CHRM3: variants seen among roughly 807,000 people sequenced by gnomAD.
The protein encoded by CHRM3 is muscarinic acetylcholine receptor M3.
Under a neutral mutation model 41.8 loss-of-function variants are expected in CHRM3, and 11 were observed. The ratio of observed to expected loss-of-function variants is 0.26; its 90% CI spans 0.17 to 0.44. The LOEUF (loss-of-function observed/expected upper bound fraction) is 0.44, where lower values mean the gene tolerates loss of function less well. Ranked by LOEUF, CHRM3 falls within the 20% of genes least tolerant of loss-of-function variation. CHRM3 has a pLI of 1.00. For synonymous variants in CHRM3, 297 were observed against 301.4 expected (o/e 0.99, Z 0.15); for missense variants, 571 against 745.4 (o/e 0.77, Z 2.72).
At chr1:239,838,071 T>C (rs190064770) in intron 6 of CHRM3, among the ~76,000 whole-genome samples, 11 of 152,332 alleles carry the variant, frequency 7.2e-5, no homozygotes, top group Admixed American at 6.5e-5. Flanking sequence ...AGGGAAATTA[T>C]ATATGAATTG....
At chr1:239,745,745 G>A (rs931323808) in intron 5 of CHRM3, among the ~76,000 whole-genome samples, 2 of 152,026 alleles carry the variant, frequency 1.3e-5, no homozygotes, top group Non-Finnish European at 2.9e-5. Context: ...ATCATATTAT[G>A]CTCTATCAAA....
chr1:239,644,582 A>T (rs1439884011), intron 4 of CHRM3, among the ~76,000 whole-genome samples: 1 of 152,206 alleles, frequency 6.6e-6, no homozygotes, highest in Non-Finnish European at 1.5e-5. Flanking sequence ...GGACTTGGTT[A>T]TGTGAAACTT....
At chr1:239,420,751 G>A (rs933304378) in intron 1 of CHRM3, among the ~76,000 whole-genome samples, 1 of 152,008 alleles carries the variant, frequency 6.6e-6, no homozygotes, top group African/African-American at 2.4e-5. Context: ...TAAGTTTTAT[G>A]CTGATGGTTA....
At chr1:239,882,056 C>A (rs1677686831) in intron 6 of CHRM3, among the ~76,000 whole-genome samples, 1 of 152,132 alleles carries the variant, frequency 6.6e-6, no homozygotes, top group African/African-American at 2.4e-5. Flanking sequence ...CAGGCACCCG[C>A]CACCATGCCC....
intron 5 of CHRM3, among the ~76,000 whole-genome samples, chr1:239,774,843 T>C (rs1449527042): frequency 1.3e-5 from 2 of 152,210 alleles, no homozygotes; most frequent in African/African-American, 2.4e-5. Context: ...TCAGATGTTT[T>C]CTAACAGCTA....
chr1:239,648,436 T>TAA (rs1671934134), intron 4 of CHRM3, among the ~76,000 whole-genome samples: 1 of 152,000 alleles, frequency 6.6e-6, no homozygotes. Flanking sequence ...GATCTGTAGG[T>TAA]GGTTTTGAGA....
chr1:239,772,723 CCT>C (rs1667791389), intron 5 of CHRM3, among the ~76,000 whole-genome samples: 1 of 151,998 alleles, frequency 6.6e-6, no homozygotes, highest in Non-Finnish European at 1.5e-5. Flanking sequence ...TCTGTGACTC[CCT>C]CTCTATACAA....
intron 5 of CHRM3, among the ~76,000 whole-genome samples, chr1:239,810,521 G>A (rs61829258): frequency 0.053 from 8,129 of 152,256 alleles, 231 homozygotes; most frequent in African/African-American, 0.078. Flanking sequence ...TGAGAAGGGG[G>A]AGGATTTCCA....
chr1:239,849,896 C>T (rs1009265257), intron 6 of CHRM3, among the ~76,000 whole-genome samples: 7 of 152,100 alleles, frequency 4.6e-5, no homozygotes, highest in Admixed American at 2.0e-4. Context: ...ACAGATAAAA[C>T]GGGTATCCTC....
In CHRM3 at chr1:239,590,513, G is replaced by A. The variant is rs182572753; in HGVS notation, c.-312-41711G>A. Among the ~76,000 whole-genome samples the A allele has an allele frequency of 3.8e-3, 577 of 152,186 alleles. 8 individuals carry two copies. Among genetic ancestry groups the A allele is most frequent in the Non-Finnish European group, 3.4e-3 (228 of 68,018 alleles). Reference sequence around the variant, plus strand: ...TATCCCTAAGAAGATTGTTGTAACCGTTTTTGATAAGATGAACTTTTATAA... The same window carrying A: ...TATCCCTAAGAAGATTGTTGTAACCATTTTTGATAAGATGAACTTTTATAA... On this transcript the variant is annotated intron_variant, in intron 3 of 6. Transcript: ENST00000676153.
chr1:239,715,077 A>C (rs1035309713), intron 5 of CHRM3, among the ~76,000 whole-genome samples: 3 of 152,134 alleles, frequency 2.0e-5, no homozygotes, highest in Non-Finnish European at 4.4e-5. Context: ...ATAAGATGGG[A>C]GTGGCTAACA....
At chr1:239,412,319 CTTCTTCCTTCCTT>C in intron 1 of CHRM3, among the ~76,000 whole-genome samples, 1 of 53,616 alleles carries the variant, frequency 1.9e-5, no homozygotes. Context: ...CCCTTCCTTT[CTTCTTCCTTCCTT>C]CCTCCCTCCC....
At chr1:239,791,922 G>T (rs889738065) in intron 5 of CHRM3, among the ~76,000 whole-genome samples, 1 of 152,192 alleles carries the variant, frequency 6.6e-6, no homozygotes, top group Non-Finnish European at 1.5e-5. Context: ...GTGGGTGCAT[G>T]TGTCTGTAAA....
rs77716254 is a variant in CHRM3 at position 239,859,377 on chromosome 1, T to C, written c.-20+31999T>C. On this transcript the variant is annotated intron_variant, in intron 6 of 6. Transcript: ENST00000676153. ...ATAACAAATGAAGTTGAGCATCTTT[T>C]TATGGATTTGTTGGCCTGTTTTTTT... is the stretch of plus-strand genomic sequence containing the variant. Among the ~76,000 whole-genome samples, 1,485 of 152,084 alleles carry C rather than the reference T, an allele frequency of 9.8e-3. 32 individuals are homozygous for C. The highest frequency in any genetic ancestry group is 0.034 in the African/African-American group (1,428 of 41,500).
At chr1:239,404,400 GAA>G (rs1390911524) in intron 1 of CHRM3, among the ~76,000 whole-genome samples, 2,607 of 58,902 alleles carry the variant, frequency 0.044, 106 homozygotes, top group Admixed American at 0.094. Flanking sequence ...AAGAAAGAAA[GAA>G]AGAAAGAAAA....
At chr1:239,395,806 C>T (rs1392071230) in intron 1 of CHRM3, among the ~76,000 whole-genome samples, 1 of 152,188 alleles carries the variant, frequency 6.6e-6, no homozygotes, top group Non-Finnish European at 1.5e-5. Context: ...CATATTATTG[C>T]CTTTGATCCA....
In CHRM3 at chr1:239,912,143, CCT is replaced by C. The variant is rs372408716; in HGVS notation, c.*2932_*2933del. 0.018 allele frequency: 2,993 copies of C among 163,058 alleles called. 40 individuals are homozygous for C. Among genetic ancestry groups the C allele is most frequent in the South Asian group, 0.039 (183 of 4,748 alleles). The allele number at this position is 163,058 out of a possible 1,614,324, so 10.1% of individuals were successfully genotyped here. On this transcript the variant is annotated 3_prime_UTR_variant, in exon 7 of 7. Coordinates refer to ENST00000676153, the MANE Select transcript of CHRM3 (RefSeq NM_001375978.1). The stretch of plus-strand genomic sequence containing the variant: ...TGGAGAATCTCTCTCTCTCTCTCTG[CCT>C]CTCTCTCTCTCTTTCTCCCTCTTCT...
chr1:239,909,382 C>T lies in CHRM3; in HGVS notation c.*158C>T, dbSNP rs1047808066. ...CTGTTTACTGATCCATTGAATAAAC[C>T]CATTTTAATAGAAAAAGTCAATACC... is the stretch of plus-strand genomic sequence containing the variant. On this transcript the variant is annotated 3_prime_UTR_variant, in exon 7 of 7. Coordinates refer to ENST00000676153, the MANE Select transcript of CHRM3 (RefSeq NM_001375978.1). 6 of 604,644 alleles carry T rather than the reference C, an allele frequency of 9.9e-6. No individual in the cohort carries two copies. Among genetic ancestry groups the T allele is most frequent in the Middle Eastern group, 4.7e-4 (1 of 2,148 alleles). The allele number at this position is 604,644 out of a possible 1,614,324, so 37.5% of individuals were successfully genotyped here.
intron 1 of CHRM3, among the ~76,000 whole-genome samples, chr1:239,490,941 A>G (rs866924497): frequency 1.3e-5 from 2 of 152,024 alleles, no homozygotes; most frequent in Non-Finnish European, 2.9e-5. Context: ...GGGTTGTGCC[A>G]TGTTGCCCAG....
Sources: gnomAD v4.1 joint callset for allele counts (sites outside exome capture counted in the v4.1 genomes callset) on GRCh38, gnomAD v4.1.1 for gene constraint, MANE v1.5 for transcripts, NCBI Gene and HGNC (gene_info 2026-07-23, HGNC 2026-07-21) for gene names.